Variants in GLIS3 observed in about 807,000 individuals in gnomAD.
GLIS3 encodes zinc finger protein GLIS3.
GLIS3 carries 53 observed loss-of-function variants against 78.6 expected under a neutral mutation model. That is an observed-to-expected ratio of 0.67 (90% CI 0.54 to 0.85). The LOEUF (loss-of-function observed/expected upper bound fraction) is 0.85, where lower values mean the gene tolerates loss of function less well. GLIS3 is among the 40% of genes least tolerant of loss of function. GLIS3 has a pLI of 0.00. For synonymous variants in GLIS3, 684 were observed against 509.9 expected (o/e 1.34, Z -4.60); for missense variants, 1,703 against 1,231.1 (o/e 1.38, Z -5.74).
At chr9:4,010,181 C>T (rs1821885034) in intron 4 of GLIS3, among the ~76,000 whole-genome samples, 1 of 152,116 alleles carries the variant, frequency 6.6e-6, no homozygotes, top group Non-Finnish European at 1.5e-5. Context: ...CAATGGAGAG[C>T]CACAGGTATA....
intron 2 of GLIS3, among the ~76,000 whole-genome samples, chr9:4,127,114 G>C (rs1395391070): frequency 6.6e-6 from 1 of 152,104 alleles, no homozygotes; most frequent in Non-Finnish European, 1.5e-5. Context: ...GTTTCCATCA[G>C]TGCAGCCCTA....
chr9:4,476,862 T>C, the GLIS3 span, among the ~76,000 whole-genome samples: 47 of 152,316 alleles, frequency 3.1e-4, no homozygotes, highest in East Asian at 6.2e-3. Flanking sequence ...GATTCATCTC[T>C]GTTAGAATAG....
At chr9:4,130,575 G>A (rs1181519027) in intron 2 of GLIS3, among the ~76,000 whole-genome samples, 1 of 152,256 alleles carries the variant, frequency 6.6e-6, no homozygotes, top group African/African-American at 2.4e-5. Flanking sequence ...GCAAACCATA[G>A]ACGACTTGGT....
At chr9:4,116,707 C>A (rs546832044) in intron 4 of GLIS3, among the ~76,000 whole-genome samples, 1 of 152,256 alleles carries the variant, frequency 6.6e-6, no homozygotes, top group Non-Finnish European at 1.5e-5. Context: ...GGCTGGGGAA[C>A]CACAGTACAA....
chr9:4,326,338 A>G (rs10974466), intron 2 of GLIS3, among the ~76,000 whole-genome samples: 40,885 of 152,188 alleles, frequency 0.27, 6,854 homozygotes, highest in African/African-American at 0.48. Flanking sequence ...GATAAACAAA[A>G]TGTGGTATAT....
At chr9:3,843,054 T>C (rs1818818712) in intron 9 of GLIS3, among the ~76,000 whole-genome samples, 1 of 152,184 alleles carries the variant, frequency 6.6e-6, no homozygotes, top group South Asian at 2.1e-4. Context: ...CTCTCACATG[T>C]CAGTTCTTGG....
intron 2 of GLIS3, among the ~76,000 whole-genome samples, chr9:4,126,179 C>G (rs1454079431): frequency 1.3e-5 from 2 of 152,052 alleles, no homozygotes; most frequent in East Asian, 3.9e-4. Flanking sequence ...TTTACTCCTT[C>G]TATGTAGAAG....
chr9:3,955,205 T>A (rs540932549), intron 4 of GLIS3, among the ~76,000 whole-genome samples: 4 of 152,150 alleles, frequency 2.6e-5, no homozygotes, highest in Admixed American at 6.5e-5. Flanking sequence ...ATGGCCCGCA[T>A]GAGTCAGGCC....
chr9:4,321,006 C>G (rs983765143), intron 2 of GLIS3, among the ~76,000 whole-genome samples: 1 of 151,982 alleles, frequency 6.6e-6, no homozygotes, highest in African/African-American at 2.4e-5. Context: ...TAAGTCTCTG[C>G]TTGGTCTAGA....
At chr9:3,908,706 GTTTTTTTTTTT>G (rs34789708) in intron 6 of GLIS3, among the ~76,000 whole-genome samples, 6 of 85,562 alleles carry the variant, frequency 7.0e-5, no homozygotes, top group South Asian at 8.5e-4. Context: ...ATTTGTATTT[GTTTTTTTTTTT>G]TTTTTTTTTT....
intron 2 of GLIS3, among the ~76,000 whole-genome samples, chr9:4,148,554 C>T (rs1356797221): frequency 6.6e-6 from 1 of 152,074 alleles, no homozygotes; most frequent in Non-Finnish European, 1.5e-5. Flanking sequence ...ATCTATATCT[C>T]ACCTTTCCCC....
chr9:4,399,952 T>G, the GLIS3 span, among the ~76,000 whole-genome samples: 1 of 152,150 alleles, frequency 6.6e-6, no homozygotes, highest in Non-Finnish European at 1.5e-5. Flanking sequence ...ACAGCATGGT[T>G]GGAGCAGAAA....
At position 4,190,040 on chromosome 9, in the gene GLIS3, C is replaced by A. The variant is rs1287726352; in HGVS notation, c.389-64099G>T. Among the ~76,000 whole-genome samples, 3 of 152,218 alleles carry A rather than the reference C, an allele frequency of 2.0e-5. No homozygotes were observed. The East Asian group carries it at 5.8e-4, about 29-fold the overall frequency. On this transcript the variant is annotated intron_variant, in intron 2 of 10. Coordinates refer to ENST00000381971, the MANE Select transcript of GLIS3 (RefSeq NM_001042413.2). Reference sequence around the variant, plus strand: ...CACCAAAAACCCATTGGTACATCACCATCATCAAAGACCAAAAGTAGATAA... The same window carrying A: ...CACCAAAAACCCATTGGTACATCACAATCATCAAAGACCAAAAGTAGATAA...
chr9:4,258,135 G>A (rs906661862), intron 2 of GLIS3, among the ~76,000 whole-genome samples: 5 of 151,932 alleles, frequency 3.3e-5, no homozygotes, highest in African/African-American at 7.3e-5. Context: ...TCTATTTTCA[G>A]TACTTTCCTA....
chr9:4,392,259 G>C, the GLIS3 span, among the ~76,000 whole-genome samples: 1 of 151,896 alleles, frequency 6.6e-6, no homozygotes, highest in African/African-American at 2.4e-5. Flanking sequence ...GGTCGGGGGA[G>C]GGAGAACATC....
At chr9:4,078,220 C>G (rs1315313120) in intron 4 of GLIS3, among the ~76,000 whole-genome samples, 1 of 152,064 alleles carries the variant, frequency 6.6e-6, no homozygotes, top group African/African-American at 2.4e-5. Flanking sequence ...ATCCTTTTTG[C>G]AAATATAATA....
At chr9:4,305,679 T>A (rs988273569) in intron 4 of GLIS3, 5 of 152,206 alleles carry the variant, frequency 3.3e-5, no homozygotes, top group Non-Finnish European at 7.3e-5. Context: ...GGAAAGTTAT[T>A]TGATAGCTTC....
intron 4 of GLIS3, among the ~76,000 whole-genome samples, chr9:4,107,425 A>C (rs577849713): frequency 4.5e-4 from 68 of 152,238 alleles, no homozygotes; most frequent in African/African-American, 1.4e-3. Context: ...AAACCTCTCC[A>C]CAATCCTCAA....
At position 4,118,769 on chromosome 9, in the gene GLIS3, G is replaced by C. The variant is rs144994430; in HGVS notation, c.709C>G (p.Leu237Val). ...WSQGYRALPSLSNHGSQNGLD... is the reference protein window; with the variant it reads ...WSQGYRALPSVSNHGSQNGLD... ...CCATTCTGAGAGCCGTGGTTGGAGAGCGAAGGGAGGGCCCTGTAGCCCTGG... is the reference window on the plus strand; with the variant it reads ...CCATTCTGAGAGCCGTGGTTGGAGACCGAAGGGAGGGCCCTGTAGCCCTGG... The change falls in exon 4 of 11, where the codon CTC becomes GTC. Residue 237 changes from leucine to valine, a missense_variant. Coordinates refer to ENST00000381971, the MANE Select transcript of GLIS3 (RefSeq NM_001042413.2). The surrounding 1 kb of genome is among the most constrained non-coding windows in gnomAD (Gnocchi z 4.7). The C allele has an allele frequency of 6.2e-7, 1 of 1,613,110 alleles. No individual in the cohort carries two copies. Among genetic ancestry groups the C allele is most frequent in the African/African-American group, 1.3e-5 (1 of 74,912 alleles).
Sources: allele counts gnomAD v4.1 joint callset (sites outside exome capture counted in the v4.1 genomes callset), GRCh38; gene constraint gnomAD v4.1.1; non-coding constraint Gnocchi (gnomAD v3.1); transcripts MANE v1.5; gene names NCBI Gene and HGNC (gene_info 2026-07-23, HGNC 2026-07-21).